The following FAM193A variants were observed in gnomAD, a reference collection of about 807,000 sequenced individuals.
The protein encoded by FAM193A is family with sequence similarity 193 member A.
Under a neutral mutation model 126.5 loss-of-function variants are expected in FAM193A, and 22 were observed. The ratio of observed to expected loss-of-function variants is 0.17; its 90% CI spans 0.12 to 0.25. The LOEUF (loss-of-function observed/expected upper bound fraction) is 0.25, where lower values mean the gene tolerates loss of function less well. Among genes scored for constraint, FAM193A ranks in the 10% least tolerant of loss-of-function variants. The pLI is 1.00. For missense variants in FAM193A, 1,675 were observed against 1,672.8 expected (o/e 1.00, Z -0.02); for synonymous variants, 761 against 646.8 (o/e 1.18, Z -2.68).
intron 2 of FAM193A, among the ~76,000 whole-genome samples, chr4:2,621,635 C>A (rs1039777780): frequency 1.3e-5 from 2 of 152,128 alleles, no homozygotes; most frequent in African/African-American, 4.8e-5. Context: ...AGGTGTGCCA[C>A]TAGAGAGAGC....
chr4:2,708,682 C>T (rs1226517238), intron 19 of FAM193A, among the ~76,000 whole-genome samples: 1 of 151,786 alleles, frequency 6.6e-6, no homozygotes, highest in Non-Finnish European at 1.5e-5. Context: ...AGGCTGGTCT[C>T]GAACTCCAGA....
Position 2,730,053 on chromosome 4 carries a change from T to C in FAM193A, c.4455-1722T>C, listed in dbSNP as rs1024844402. ...GAGCAGCTGGGACTATAGGCACATA[T>C]GTGTACTGCCACTCCTGGCTAACTT... On this transcript the variant is annotated intron_variant, in intron 20 of 20. Transcript: ENST00000637812. Among the ~76,000 whole-genome samples, 6 of 152,144 alleles carry C rather than the reference T, an allele frequency of 3.9e-5. 1 individual carries two copies. Among genetic ancestry groups the C allele is most frequent in the Admixed American group, 2.0e-4 (3 of 15,274 alleles).
chr4:2,575,803 C>T (rs1739552619), intron 1 of FAM193A, among the ~76,000 whole-genome samples: 1 of 152,060 alleles, frequency 6.6e-6, no homozygotes, highest in Non-Finnish European at 1.5e-5. Context: ...AATTATGCTC[C>T]CTGCCCTTCA....
At chr4:2,597,231 C>T (rs998059156) in intron 2 of FAM193A, among the ~76,000 whole-genome samples, 9 of 152,186 alleles carry the variant, frequency 5.9e-5, no homozygotes, top group Admixed American at 4.6e-4. Flanking sequence ...CTCTTCCTAG[C>T]ACTTATTTCT....
At chr4:2,697,912 C>T (rs1005953738) in intron 18 of FAM193A, among the ~76,000 whole-genome samples, 2 of 152,184 alleles carry the variant, frequency 1.3e-5, no homozygotes, top group African/African-American at 2.4e-5. Context: ...GCCTCTGGGA[C>T]GCCTTCCTGA....
At chr4:2,707,278 G>A (rs1437526025) in intron 19 of FAM193A, among the ~76,000 whole-genome samples, 4 of 152,072 alleles carry the variant, frequency 2.6e-5, no homozygotes, top group Non-Finnish European at 1.5e-5. Context: ...GGTCATTCAG[G>A]AATATTTTAA....
At chr4:2,640,973 A>G (rs897817014) in intron 6 of FAM193A, among the ~76,000 whole-genome samples, 1 of 151,950 alleles carries the variant, frequency 6.6e-6, no homozygotes, top group Non-Finnish European at 1.5e-5. Context: ...TCGGGGGAAA[A>G]AAAGTCGTTA....
chr4:2,662,678 A>G, intron 10 of FAM193A, among the ~76,000 whole-genome samples, 160 bp from the exon 11 acceptor site: 1 of 152,132 alleles, frequency 6.6e-6, no homozygotes, highest in East Asian at 1.9e-4. Flanking sequence ...TCTCATGTTG[A>G]GGTTACTAAG....
chr4:2,689,746 C>T, intron 14 of FAM193A, 42 bp downstream of exon 14: 1 of 1,377,216 alleles, frequency 7.3e-7, no homozygotes, highest in South Asian at 1.3e-5. Context: ...TTAAAATAAC[C>T]TGAGTAGACT....
intron 20 of FAM193A, among the ~76,000 whole-genome samples, chr4:2,721,130 G>A (rs541942480): frequency 2.7e-4 from 41 of 152,010 alleles, no homozygotes; most frequent in African/African-American, 9.4e-4. Flanking sequence ...TGGCTAACAC[G>A]GTGAAACCCC....
intron 2 of FAM193A, among the ~76,000 whole-genome samples, chr4:2,613,654 A>G (rs1028137424): frequency 1.3e-5 from 2 of 150,942 alleles, no homozygotes; most frequent in South Asian, 2.1e-4. Flanking sequence ...GGGTTTCTCC[A>G]TGTTGGTCAG....
intron 1 of FAM193A, among the ~76,000 whole-genome samples, chr4:2,593,706 G>T (rs1740695141): frequency 6.6e-6 from 1 of 152,120 alleles, no homozygotes; most frequent in Non-Finnish European, 1.5e-5. Context: ...TATGATTTTA[G>T]GCTTGGGGAC....
chr4:2,725,485 A>ACCAGAGAG (rs1316720408), intron 20 of FAM193A, among the ~76,000 whole-genome samples: 12 of 148,674 alleles, frequency 8.1e-5, no homozygotes, highest in Admixed American at 1.4e-4. Flanking sequence ...AAGTAATCAC[A>ACCAGAGAG]CCAGAGAGGC....
At chr4:2,547,604 C>CTG (rs34348453) in intron 1 of FAM193A, among the ~76,000 whole-genome samples, 9,092 of 144,844 alleles carry the variant, frequency 0.063, 336 homozygotes, top group African/African-American at 0.11. Context: ...GTGTGTGTGT[C>CTG]TGTGTGTGTG....
chr4:2,540,361 C>A (rs533217969), intron 1 of FAM193A, among the ~76,000 whole-genome samples: 7 of 151,526 alleles, frequency 4.6e-5, no homozygotes, highest in African/African-American at 1.5e-4. Context: ...CCAGCTACTC[C>A]GGAGGCTGAG....
At chr4:2,555,749 C>CT (rs1364404515) in intron 1 of FAM193A, among the ~76,000 whole-genome samples, 2 of 152,098 alleles carry the variant, frequency 1.3e-5, no homozygotes, top group African/African-American at 2.4e-5. Context: ...TCCGGAGTAG[C>CT]TGGGACTACA....
intron 2 of FAM193A, among the ~76,000 whole-genome samples, chr4:2,623,086 C>G (rs1742651325): frequency 6.6e-6 from 1 of 152,058 alleles, no homozygotes; most frequent in South Asian, 2.1e-4. Flanking sequence ...TCTGCTTCCC[C>G]AGCAGGACCT....
intron 2 of FAM193A, among the ~76,000 whole-genome samples, chr4:2,608,731 A>T (rs1202127495): frequency 3.3e-5 from 5 of 152,130 alleles, no homozygotes; most frequent in Admixed American, 2.0e-4. Flanking sequence ...GAGAGGTGGG[A>T]TGGCTGAGAC....
chr4:2,567,428 CTAAA>C (rs894097402), intron 1 of FAM193A, among the ~76,000 whole-genome samples: 4 of 152,152 alleles, frequency 2.6e-5, no homozygotes, highest in African/African-American at 9.7e-5. Flanking sequence ...AACTGACTCT[CTAAA>C]TAATTGAATT....
Sources: allele counts gnomAD v4.1 joint callset (sites outside exome capture counted in the v4.1 genomes callset), GRCh38; gene constraint gnomAD v4.1.1; transcripts MANE v1.5; gene names NCBI Gene and HGNC (gene_info 2026-07-23, HGNC 2026-07-21).